The following CPEB3 variants were observed in gnomAD, a reference collection of about 807,000 sequenced individuals.
CPEB3 encodes cytoplasmic polyadenylation element binding protein 3.
In CPEB3, 20 loss-of-function variants were observed where a neutral mutation model predicts 67.2. The ratio of observed to expected loss-of-function variants is 0.30; its 90% CI spans 0.21 to 0.43. The LOEUF (loss-of-function observed/expected upper bound fraction) is 0.43, where lower values mean the gene tolerates loss of function less well. CPEB3 is among the 20% of genes least tolerant of loss of function. The probability of loss-of-function intolerance (pLI) is 1.00; values close to 1 mark genes in which losing one functional copy is unlikely to be tolerated. For missense variants in CPEB3, 746 were observed against 968.6 expected (o/e 0.77, Z 3.05); for synonymous variants, 376 against 393.1 (o/e 0.96, Z 0.51).
chr10:92,193,670 G>A (rs1029256183), intron 2 of CPEB3, among the ~76,000 whole-genome samples: 1 of 151,310 alleles, frequency 6.6e-6, no homozygotes, highest in African/African-American at 2.4e-5. Context: ...GCCCAGGCTG[G>A]TCTGGAATTC....
intron 1 of CPEB3, among the ~76,000 whole-genome samples, chr10:92,284,675 TA>T (rs1403890432): frequency 6.6e-6 from 1 of 152,114 alleles, no homozygotes; most frequent in Non-Finnish European, 1.5e-5. Context: ...AGTCAAATCC[TA>T]GTTATAATCT....
intron 3 of CPEB3, among the ~76,000 whole-genome samples, chr10:92,184,448 C>CA (rs1156411852): frequency 6.6e-6 from 1 of 151,946 alleles, no homozygotes; most frequent in African/African-American, 2.4e-5. Flanking sequence ...ACTAAAAATA[C>CA]AAAAAAATTA....
intron 2 of CPEB3, among the ~76,000 whole-genome samples, chr10:92,233,519 A>C (rs754458904): frequency 2.5e-4 from 37 of 150,892 alleles, no homozygotes; most frequent in Non-Finnish European, 4.7e-4. Context: ...CTTGGGCGAC[A>C]GATTCTGTCT....
rs763837874 is a variant in CPEB3, at chr10:92,239,431, G to A, written c.920C>T (p.Pro307Leu). ...SSNVIAPPKF[P>L]RAAPLTSKSW... ...CTTGGAAGTGAGAGGGGCCGCGCGAGGGAACTTGGGCGGCGCGATCACGTT... is the reference window on the plus strand; with the variant it reads ...CTTGGAAGTGAGAGGGGCCGCGCGAAGGAACTTGGGCGGCGCGATCACGTT... Residue 307 changes from proline to leucine, a missense_variant, in exon 2 of 10, where the codon CCT becomes CTT. Transcript: ENST00000265997. This position sits in a 1 kb window ranked among gnomAD's most constrained non-coding sequence, Gnocchi z 6.0. The A allele has an allele frequency of 6.2e-7, 1 of 1,602,860 alleles. No homozygotes were observed. Among genetic ancestry groups the A allele is most frequent in the Non-Finnish European group, 8.5e-7 (1 of 1,174,532 alleles).
At chr10:92,122,961 T>C (rs1438822965) in intron 6 of CPEB3, among the ~76,000 whole-genome samples, 2 of 152,234 alleles carry the variant, frequency 1.3e-5, no homozygotes. Context: ...TTAACAATAT[T>C]TACTGTGTGA....
chr10:92,285,650 T>A (rs1414077819), intron 1 of CPEB3, among the ~76,000 whole-genome samples: 1 of 152,218 alleles, frequency 6.6e-6, no homozygotes, highest in African/African-American at 2.4e-5. Context: ...TCCGCTTACA[T>A]AACAGATCTA....
At chr10:92,054,291 G>GA (rs55692823) in intron 9 of CPEB3, among the ~76,000 whole-genome samples, 12,301 of 141,766 alleles carry the variant, frequency 0.087, 706 homozygotes, top group East Asian at 0.2. Context: ...GGCTCTTAAA[G>GA]AAAAAAAAAA....
At chr10:92,285,380 C>T (rs1395549237) in intron 1 of CPEB3, among the ~76,000 whole-genome samples, 5 of 152,218 alleles carry the variant, frequency 3.3e-5, no homozygotes, top group Non-Finnish European at 7.3e-5. Context: ...AAGTGATTCT[C>T]CTGCCTCAGC....
intron 6 of CPEB3, chr10:92,137,316 C>T (rs757815001): frequency 8.0e-5 from 58 of 729,058 alleles, no homozygotes; most frequent in Non-Finnish European, 1.2e-4. Flanking sequence ...CCCATATCAT[C>T]GTGGGTACCC....
intron 2 of CPEB3, among the ~76,000 whole-genome samples, chr10:92,201,243 T>C (rs1439098404): frequency 6.6e-6 from 1 of 151,774 alleles, no homozygotes; most frequent in Non-Finnish European, 1.5e-5. Context: ...AGTACAAAAA[T>C]TAGGCCGGGC....
intron 7 of CPEB3, among the ~76,000 whole-genome samples, chr10:92,099,586 G>C (rs146839192): frequency 5.1e-4 from 77 of 152,066 alleles, no homozygotes; most frequent in African/African-American, 1.8e-3. Flanking sequence ...AGGCGTGGTG[G>C]CTCATGCCTG....
chr10:92,075,652 A>G (rs1252878822), intron 9 of CPEB3, among the ~76,000 whole-genome samples: 1 of 152,202 alleles, frequency 6.6e-6, no homozygotes, highest in Non-Finnish European at 1.5e-5. Flanking sequence ...AGATAAAAGT[A>G]CCAAATCTAC....
chr10:92,216,794 G>C, intron 2 of CPEB3: 1 of 1,609,652 alleles, frequency 6.2e-7, no homozygotes, highest in South Asian at 1.1e-5. Flanking sequence ...ACCCCTATGA[G>C]GAGCTCCGGT....
intron 2 of CPEB3, among the ~76,000 whole-genome samples, chr10:92,216,049 A>ATTT (rs71025388): frequency 9.4e-5 from 13 of 138,314 alleles, no homozygotes; most frequent in African/African-American, 3.2e-4. Context: ...CGCCCAGCTC[A>ATTT]TTTTTTTTTT....
intron 8 of CPEB3, among the ~76,000 whole-genome samples, chr10:92,084,076 A>G (rs1222339358): frequency 6.6e-6 from 1 of 151,356 alleles, no homozygotes; most frequent in Non-Finnish European, 1.5e-5. Context: ...GAGGGAAGAG[A>G]ATGGCATGAA....
At chr10:92,183,537 C>CA (rs1273890517) in intron 3 of CPEB3, among the ~76,000 whole-genome samples, 1 of 152,064 alleles carries the variant, frequency 6.6e-6, no homozygotes, top group Non-Finnish European at 1.5e-5. Context: ...GATTCATTAT[C>CA]AAAAAATATT....
At chr10:92,068,723 C>G (rs949173573) in intron 9 of CPEB3, among the ~76,000 whole-genome samples, 2 of 152,100 alleles carry the variant, frequency 1.3e-5, no homozygotes, top group African/African-American at 4.8e-5. Flanking sequence ...CAGAGGAGGA[C>G]AGGAGAGTCA....
At chr10:92,124,919 A>G (rs1057370054) in intron 6 of CPEB3, among the ~76,000 whole-genome samples, 25 of 152,214 alleles carry the variant, frequency 1.6e-4, no homozygotes, top group African/African-American at 5.8e-4. Context: ...CTCAAAGTAG[A>G]TTCCTCTTCC....
chr10:92,265,241 C>T (rs1025726935), intron 1 of CPEB3, among the ~76,000 whole-genome samples: 1 of 152,094 alleles, frequency 6.6e-6, no homozygotes, highest in Admixed American at 6.6e-5. Flanking sequence ...GGTTGTTGGG[C>T]CTTTTACCTT....
Sources: allele counts gnomAD v4.1 joint callset (sites outside exome capture counted in the v4.1 genomes callset), GRCh38; gene constraint gnomAD v4.1.1; non-coding constraint Gnocchi (gnomAD v3.1); transcripts MANE v1.5; gene names NCBI Gene and HGNC (gene_info 2026-07-23, HGNC 2026-07-21).